The following STX8 variants were observed in gnomAD, a reference collection of about 807,000 sequenced individuals.
The protein encoded by STX8 is syntaxin-8.
STX8 carries 23 observed loss-of-function variants against 37.5 expected under a neutral mutation model. That is an observed-to-expected ratio of 0.61 (90% CI 0.44 to 0.87). The LOEUF is 0.87. Ranked by LOEUF, STX8 falls within the 40% of genes least tolerant of loss-of-function variation. The probability of loss-of-function intolerance (pLI) is 0.00; values close to 1 mark genes in which losing one functional copy is unlikely to be tolerated. For missense variants in STX8, 313 were observed against 284.7 expected, an observed-to-expected ratio of 1.10 and a Z score of -0.71; for synonymous variants, 115 against 99.1, an observed-to-expected ratio of 1.16 and a Z score of -0.95.
chr17:9,418,902 AC>A (rs71135978), intron 6 of STX8, among the ~76,000 whole-genome samples: 47,549 of 105,044 alleles, frequency 0.45, 11,227 homozygotes, highest in African/African-American at 0.6. Flanking sequence ...TTTTGCCCAC[AC>A]CCCCCCCTCT....
intron 6 of STX8, among the ~76,000 whole-genome samples, chr17:9,456,199 T>A (rs1007124096): frequency 1.3e-5 from 2 of 152,052 alleles, no homozygotes; most frequent in South Asian, 2.1e-4. Flanking sequence ...AATTACTTTT[T>A]AAAAAAACCC....
chr17:9,363,466 T>C (rs986207851), intron 7 of STX8, among the ~76,000 whole-genome samples: 1 of 152,152 alleles, frequency 6.6e-6, no homozygotes, highest in African/African-American at 2.4e-5. Flanking sequence ...GGTAGACAAA[T>C]AGTGTCGGGA....
At chr17:9,519,045 G>C (rs977202012) in intron 4 of STX8, among the ~76,000 whole-genome samples, 6 of 151,908 alleles carry the variant, frequency 3.9e-5, no homozygotes, top group Non-Finnish European at 7.4e-5. Flanking sequence ...GGAGGGTTTG[G>C]GGGGAGTAGC....
rs761001871 is a variant in STX8, at chr17:9,505,088, C to T, written c.398G>A (p.Arg133Lys). ...PWLFEEPEETRGLGFDEIRQQ... is the reference protein window; with the variant it reads ...PWLFEEPEETKGLGFDEIRQQ... ...CCGGATTTCATCAAAACCCAAGCCT[C>T]TGGTCTCCTCTGGCTCCTCAAAGAG... Residue 133 changes from arginine to lysine, a missense_variant, in exon 5 of 8, where the codon AGA becomes AAA. Transcript: ENST00000306357. 4 of 1,613,324 alleles carry T rather than the reference C, an allele frequency of 2.5e-6. No individual in the cohort carries two copies. Among genetic ancestry groups the T allele is most frequent in the Non-Finnish European group, 3.4e-6 (4 of 1,179,704 alleles).
intron 6 of STX8, among the ~76,000 whole-genome samples, chr17:9,446,955 T>C (rs12940146): frequency 0.24 from 37,234 of 152,170 alleles, 4,816 homozygotes; most frequent in Middle Eastern, 0.34. Context: ...TTAAGATTTC[T>C]ATTTTTTGGC....
chr17:9,494,335 A>T (rs576725408), intron 5 of STX8, among the ~76,000 whole-genome samples: 68 of 151,180 alleles, frequency 4.5e-4, no homozygotes, highest in African/African-American at 1.6e-3. Context: ...GTTCTTAAGT[A>T]AAAAAGCAGG....
chr17:9,261,712 CCTT>C (rs1907047055), intron 7 of STX8, among the ~76,000 whole-genome samples: 1 of 152,144 alleles, frequency 6.6e-6, no homozygotes, highest in Non-Finnish European at 1.5e-5. Flanking sequence ...AATAGATAAT[CCTT>C]CATATCAGCC....
At chr17:9,406,797 T>C (rs1912818334) in intron 6 of STX8, among the ~76,000 whole-genome samples, 1 of 152,206 alleles carries the variant, frequency 6.6e-6, no homozygotes, top group African/African-American at 2.4e-5. Context: ...CCAAAAAATT[T>C]TTCCAATATG....
At chr17:9,472,686 C>T (rs1298741678) in intron 6 of STX8, among the ~76,000 whole-genome samples, 1 of 152,178 alleles carries the variant, frequency 6.6e-6, no homozygotes. Flanking sequence ...GTGGTAGCCT[C>T]CCTCTTGGAG....
chr17:9,384,195 C>T (rs1911914120), intron 6 of STX8, among the ~76,000 whole-genome samples: 1 of 149,884 alleles, frequency 6.7e-6, no homozygotes. Flanking sequence ...GATACTGGTT[C>T]ATTTTTTTTT....
At chr17:9,447,705 G>A (rs1904900083) in intron 6 of STX8, among the ~76,000 whole-genome samples, 1 of 152,006 alleles carries the variant, frequency 6.6e-6, no homozygotes, top group Non-Finnish European at 1.5e-5. Context: ...TTACAGGCGT[G>A]AGCCACCACA....
intron 6 of STX8, among the ~76,000 whole-genome samples, chr17:9,396,918 AC>A (rs1912425149): frequency 6.6e-6 from 1 of 152,206 alleles, no homozygotes; most frequent in Non-Finnish European, 1.5e-5. Context: ...GTATGCAACA[AC>A]ATCACTGAAT....
rs949697307 is a variant in STX8 at position 9,424,488 on chromosome 17, G to A, written c.542-45835C>T. ...AGGCCCTCTCTCTGCCTGGGGCCTC[G>A]TGTTACACCTGCCTAAAGTGCAGCG... On this transcript the variant is annotated intron_variant, in intron 6 of 7. Coordinates refer to ENST00000306357, the MANE Select transcript of STX8 (RefSeq NM_004853.3). 1.1e-4 allele frequency among the ~76,000 whole-genome samples: 17 copies of A among 151,946 alleles called. No individual in the cohort carries two copies. The South Asian group carries it at 1.2e-3, about 11-fold the overall frequency.
intron 7 of STX8, among the ~76,000 whole-genome samples, chr17:9,324,251 C>CCAG (rs1354000372): frequency 6.6e-6 from 1 of 152,100 alleles, no homozygotes; most frequent in Non-Finnish European, 1.5e-5. Context: ...CATCCAGGTA[C>CCAG]CAGCCCACAA....
rs187372033 is a variant in STX8, at chr17:9,295,660, T to C, written c.644-45015A>G. On this transcript the variant is annotated intron_variant, in intron 7 of 7. Coordinates refer to ENST00000306357, the MANE Select transcript of STX8 (RefSeq NM_004853.3). ...CGGGAGGCTGAGGCAGGAGAATCAC[T>C]TGAAACCAGGAGGCAGAGGTTGCAG... Among the ~76,000 whole-genome samples the C allele has an allele frequency of 1.2e-3, 182 of 150,466 alleles. 1 individual carries two copies. Among genetic ancestry groups the C allele is most frequent in the African/African-American group, 4.1e-3 (169 of 41,050 alleles).
At chr17:9,564,131 A>T (rs1163537773) in intron 2 of STX8, among the ~76,000 whole-genome samples, 1 of 152,204 alleles carries the variant, frequency 6.6e-6, no homozygotes, top group Non-Finnish European at 1.5e-5. Context: ...CACAGCCAAC[A>T]TCATACTGAA....
intron 7 of STX8, among the ~76,000 whole-genome samples, chr17:9,337,386 TTTC>T (rs1281939243): frequency 6.6e-6 from 1 of 152,158 alleles, no homozygotes; most frequent in Non-Finnish European, 1.5e-5. Flanking sequence ...TCTTATTTTA[TTTC>T]TTTTTTTGAG....
chr17:9,318,040 A>G (rs925951257), intron 7 of STX8, among the ~76,000 whole-genome samples: 1 of 152,220 alleles, frequency 6.6e-6, no homozygotes, highest in Non-Finnish European at 1.5e-5. Flanking sequence ...CTGAAGATAC[A>G]TCACACACTT....
intron 6 of STX8, among the ~76,000 whole-genome samples, chr17:9,426,569 G>A (rs924820808): frequency 3.5e-4 from 53 of 152,028 alleles, no homozygotes; most frequent in African/African-American, 1.3e-3. Flanking sequence ...AGACCTGCCT[G>A]GGCAACACAG....
Sources: gnomAD v4.1 joint callset for allele counts (sites outside exome capture counted in the v4.1 genomes callset) on GRCh38, gnomAD v4.1.1 for gene constraint, MANE v1.5 for transcripts, NCBI Gene and HGNC (gene_info 2026-07-23, HGNC 2026-07-21) for gene names.